The following BCL2 variants were observed in gnomAD, a reference collection of about 807,000 sequenced individuals.
BCL2 encodes BCL2 apoptosis regulator, also known as apoptosis regulator Bcl-2.
BCL2 carries 1 observed loss-of-function variant against 14.2 expected under a neutral mutation model. The observed-to-expected ratio is 0.07, with a 90% CI of 0.02 to 0.33. The LOEUF (loss-of-function observed/expected upper bound fraction) is 0.33. Ranked by LOEUF, BCL2 falls within the 10% of genes least tolerant of loss-of-function variation. The pLI, the probability that BCL2 is intolerant of heterozygous loss-of-function variation, is 0.99. For missense variants in BCL2, 247 were observed against 305.9 expected (o/e 0.81, Z 1.44); for synonymous variants, 151 against 137.2 (o/e 1.10, Z -0.70).
At chr18:63,192,342 G>A (rs1270155364) in intron 2 of BCL2, among the ~76,000 whole-genome samples, 1 of 152,192 alleles carries the variant, frequency 6.6e-6, no homozygotes, top group East Asian at 1.9e-4. Flanking sequence ...AAGTCAGTTC[G>A]AGTGGCCCAC....
Position 63,127,788 on chromosome 18 carries a change from T to C in BCL2, c.*837A>G, listed in dbSNP as rs4987847. On this transcript the variant is annotated 3_prime_UTR_variant, in exon 3 of 3. Transcript: ENST00000333681. ...CTGTTTCTTACTCAGACAGAGCCAGTATTGGGAGTTGGGGGGTGCGTATCC... is the reference window on the plus strand; with the variant it reads ...CTGTTTCTTACTCAGACAGAGCCAGCATTGGGAGTTGGGGGGTGCGTATCC... 3.2e-3 allele frequency: 734 copies of C among 225,922 alleles called. 5 individuals carry two copies. The highest frequency in any genetic ancestry group is 0.015 in the African/African-American group (691 of 44,974). 14.0% of individuals were successfully genotyped at this position (225,922 alleles called of 1,614,324 possible).
intron 2 of BCL2, among the ~76,000 whole-genome samples, chr18:63,200,170 G>C (rs1342659476): frequency 6.6e-6 from 1 of 152,164 alleles, no homozygotes. Context: ...TCAGTTCTTA[G>C]AATGAAGATA....
chr18:63,258,673 G>T (rs148181540), intron 2 of BCL2, among the ~76,000 whole-genome samples: 1 of 152,196 alleles, frequency 6.6e-6, no homozygotes, highest in South Asian at 2.1e-4. Flanking sequence ...CCCTATACAC[G>T]GTCTCCGGCT....
At chr18:63,228,588 CT>C (rs1910608161) in intron 2 of BCL2, among the ~76,000 whole-genome samples, 1 of 152,168 alleles carries the variant, frequency 6.6e-6, no homozygotes, top group Admixed American at 6.5e-5. Context: ...TTGTTCACTA[CT>C]GTATCTCCAG....
At chr18:63,134,443 C>A (rs1490751575) in intron 2 of BCL2, among the ~76,000 whole-genome samples, 2 of 152,156 alleles carry the variant, frequency 1.3e-5, no homozygotes, top group Admixed American at 6.5e-5. Flanking sequence ...CCTCCTTAGA[C>A]CCTGGCCCAG....
intron 2 of BCL2, among the ~76,000 whole-genome samples, chr18:63,207,010 G>C (rs918493257): frequency 6.6e-6 from 1 of 152,236 alleles, no homozygotes; most frequent in Non-Finnish European, 1.5e-5. Flanking sequence ...CAGATGCAGA[G>C]AGGGCTCGTG....
intron 2 of BCL2, among the ~76,000 whole-genome samples, chr18:63,283,816 G>C (rs1489755002): frequency 5.9e-5 from 9 of 152,184 alleles, no homozygotes; most frequent in Admixed American, 5.9e-4. Flanking sequence ...CATGAAGTTT[G>C]GTTCAGAGGA....
At chr18:63,276,442 G>A (rs1912156179) in intron 2 of BCL2, among the ~76,000 whole-genome samples, 1 of 152,178 alleles carries the variant, frequency 6.6e-6, no homozygotes, top group Non-Finnish European at 1.5e-5. Flanking sequence ...AGACAGGCTG[G>A]ACAACCTGCA....
chr18:63,173,187 C>G (rs563452234), intron 2 of BCL2, among the ~76,000 whole-genome samples: 11 of 152,116 alleles, frequency 7.2e-5, no homozygotes, highest in South Asian at 2.1e-4. Flanking sequence ...CTTGAAATAA[C>G]CTTTCACAAC....
intron 2 of BCL2, among the ~76,000 whole-genome samples, chr18:63,179,696 G>C (rs534136896): frequency 1.2e-3 from 176 of 152,258 alleles, no homozygotes; most frequent in African/African-American, 4.0e-3. Flanking sequence ...CTTACCTGTG[G>C]TCCTTGGATG....
intron 2 of BCL2, among the ~76,000 whole-genome samples, chr18:63,145,467 C>T (rs961319582): frequency 9.2e-5 from 14 of 152,358 alleles, no homozygotes; most frequent in African/African-American, 3.1e-4. Flanking sequence ...CTCTCTCCTC[C>T]TGGAGGCACC....
chr18:63,189,144 C>T (rs1205731575), intron 2 of BCL2, among the ~76,000 whole-genome samples: 2 of 149,652 alleles, frequency 1.3e-5, no homozygotes, highest in Non-Finnish European at 3.0e-5. Flanking sequence ...GGTCAAAGCG[C>T]TCTCCAAAAA....
chr18:63,238,266 A>ATCACAGG (rs1910896198), intron 2 of BCL2, among the ~76,000 whole-genome samples: 1 of 152,224 alleles, frequency 6.6e-6, no homozygotes, highest in Non-Finnish European at 1.5e-5. Context: ...AGGCCTGTGA[A>ATCACAGG]CGGCATCCCA....
intron 2 of BCL2, among the ~76,000 whole-genome samples, chr18:63,280,943 T>C (rs571415327): frequency 6.6e-6 from 1 of 152,170 alleles, no homozygotes; most frequent in Non-Finnish European, 1.5e-5. Context: ...CAAGTATCCA[T>C]CAATAAATGA....
intron 2 of BCL2, among the ~76,000 whole-genome samples, chr18:63,175,195 C>T (rs1915325582): frequency 6.6e-6 from 1 of 152,284 alleles, no homozygotes; most frequent in East Asian, 1.9e-4. Context: ...AAAGAAGGCT[C>T]AGCCCTAAAC....
chr18:63,316,246 TC>T (rs1913493013), intron 2 of BCL2: 1 of 152,246 alleles, frequency 6.6e-6, no homozygotes, highest in South Asian at 2.1e-4. Context: ...AACATGTGTC[TC>T]TGTTTCCCAC....
At chr18:63,135,654 C>T (rs951575104) in intron 2 of BCL2, among the ~76,000 whole-genome samples, 1 of 152,190 alleles carries the variant, frequency 6.6e-6, no homozygotes, top group African/African-American at 2.4e-5. Flanking sequence ...ACACTTCACC[C>T]TGATTCCACC....
intron 2 of BCL2, among the ~76,000 whole-genome samples, chr18:63,248,017 C>A (rs1911202812): frequency 1.3e-5 from 2 of 152,130 alleles, no homozygotes; most frequent in African/African-American, 2.4e-5. Context: ...ATACATGGTG[C>A]CAAGCAGCCC....
intron 2 of BCL2, among the ~76,000 whole-genome samples, chr18:63,266,393 G>A (rs3927911): frequency 0.29 from 43,732 of 151,050 alleles, 7,232 homozygotes; most frequent in Middle Eastern, 0.41. Flanking sequence ...AATATCCCTG[G>A]AAAGATACAC....
Sources: gnomAD v4.1 joint callset for allele counts (sites outside exome capture counted in the v4.1 genomes callset) on GRCh38, gnomAD v4.1.1 for gene constraint, MANE v1.5 for transcripts, NCBI Gene and HGNC (gene_info 2026-07-23, HGNC 2026-07-21) for gene names.